The following NYAP2 variants were observed in gnomAD, a reference collection of about 807,000 sequenced individuals.
NYAP2 encodes the protein neuronal tyrosine-phosphorylated phosphoinositide-3-kinase adapter 2.
A neutral mutation model predicts 50.4 loss-of-function variants in NYAP2; 23 were observed. That is an observed-to-expected ratio of 0.46 (90% CI 0.33 to 0.65). The LOEUF is 0.65. NYAP2 is among the 30% of genes least tolerant of loss of function. NYAP2 has a pLI of 0.02. For synonymous variants in NYAP2, 394 were observed against 365.2 expected (o/e 1.08, Z -0.90); for missense variants, 885 against 861.0 (o/e 1.03, Z -0.35).
intron 4 of NYAP2, among the ~76,000 whole-genome samples, chr2:225,578,604 G>A (rs1243520117): frequency 6.6e-6 from 1 of 152,204 alleles, no homozygotes; most frequent in Non-Finnish European, 1.5e-5. Flanking sequence ...CTTGGCCCAT[G>A]TATGGGATAA....
rs1690636255 is a variant in NYAP2, at chr2:225,503,168, A to G, written c.222-10203A>G. Among the ~76,000 whole-genome samples the G allele has an allele frequency of 2.6e-5, 4 of 152,236 alleles. No homozygotes were observed. In the South Asian group the frequency reaches 8.3e-4, roughly 31 times the overall value. On this transcript the variant is annotated intron_variant, in intron 3 of 6. Transcript: ENST00000636099. ...TAAAAACTTGGCATGTTCTCAAACCATATTCAAAGCTTATGTCAGTTTTGA... is the reference window on the plus strand; with the variant it reads ...TAAAAACTTGGCATGTTCTCAAACCGTATTCAAAGCTTATGTCAGTTTTGA...
intron 3 of NYAP2, among the ~76,000 whole-genome samples, chr2:225,429,186 G>A (rs1475469024): frequency 1.3e-5 from 2 of 152,036 alleles, no homozygotes; most frequent in South Asian, 2.1e-4. Flanking sequence ...TGGGGGTGTC[G>A]AGGGGGGATT....
At chr2:225,499,913 G>A (rs1479141343) in intron 3 of NYAP2, among the ~76,000 whole-genome samples, 4 of 152,174 alleles carry the variant, frequency 2.6e-5, no homozygotes, top group Non-Finnish European at 4.4e-5. Context: ...AGATGAAGCA[G>A]GAGCTCACGA....
chr2:225,552,862 A>G (rs1259734388), intron 4 of NYAP2, among the ~76,000 whole-genome samples: 1 of 151,926 alleles, frequency 6.6e-6, no homozygotes, highest in Non-Finnish European at 1.5e-5. Flanking sequence ...TAATTTTTGT[A>G]TTTTCAGTAG....
intron 4 of NYAP2, among the ~76,000 whole-genome samples, chr2:225,518,635 A>T (rs778385357): frequency 1.1e-4 from 12 of 112,014 alleles, no homozygotes; most frequent in Admixed American, 1.9e-4. Context: ...TATATATATA[A>T]ATAAATTAGC....
chr2:225,507,869 C>A (rs917509327), intron 3 of NYAP2, among the ~76,000 whole-genome samples: 1 of 152,196 alleles, frequency 6.6e-6, no homozygotes, highest in East Asian at 1.9e-4. Context: ...AAGGAAATGG[C>A]CCCAGGGATT....
chr2:225,680,077 C>A, the NYAP2 span, among the ~76,000 whole-genome samples: 1 of 152,158 alleles, frequency 6.6e-6, no homozygotes, highest in Non-Finnish European at 1.5e-5. Flanking sequence ...CAGTTTCCCT[C>A]TTCACACTTT....
At chr2:225,476,747 A>G (rs1445986801) in intron 3 of NYAP2, among the ~76,000 whole-genome samples, 1 of 152,212 alleles carries the variant, frequency 6.6e-6, no homozygotes, top group Non-Finnish European at 1.5e-5. Flanking sequence ...GAAGAGATAC[A>G]TACATCATTA....
At chr2:225,546,574 C>T (rs1022806038) in intron 4 of NYAP2, among the ~76,000 whole-genome samples, 21 of 152,064 alleles carry the variant, frequency 1.4e-4, no homozygotes, top group African/African-American at 4.8e-4. Context: ...TTGGATTTAC[C>T]CTTCAGGGCA....
chr2:225,487,551 G>C (rs892073039), intron 3 of NYAP2, among the ~76,000 whole-genome samples: 1 of 151,882 alleles, frequency 6.6e-6, no homozygotes, highest in Non-Finnish European at 1.5e-5. Context: ...GTAGAGACAG[G>C]GTTTCACCGT....
At position 225,513,171 on chromosome 2, in the gene NYAP2, T is replaced by G. The variant is rs549123040; in HGVS notation, c.222-200T>G. ...AGATAAGTGTTCTATGCAGTATTTT[T>G]TCTTTCCTTTGGGGAAAACAAAATT... On this transcript the variant is annotated intron_variant, in intron 3 of 6. Transcript: ENST00000636099. Among the ~76,000 whole-genome samples the G allele has an allele frequency of 7.2e-5, 11 of 152,324 alleles. No individual in the cohort carries two copies. In the South Asian group the frequency reaches 2.3e-3, roughly 32 times the overall value.
chr2:225,587,441 C>T (rs1692407241), intron 5 of NYAP2, among the ~76,000 whole-genome samples: 1 of 151,940 alleles, frequency 6.6e-6, no homozygotes, highest in Non-Finnish European at 1.5e-5. Flanking sequence ...ACATGCACGC[C>T]CGGGGCAGAA....
intron 3 of NYAP2, among the ~76,000 whole-genome samples, chr2:225,426,134 CT>C (rs1204523026): frequency 2.8e-5 from 2 of 71,914 alleles, no homozygotes; most frequent in Non-Finnish European, 5.4e-5. Context: ...CTTTCTTTCT[CT>C]TTTCTTTTTT....
intron 3 of NYAP2, among the ~76,000 whole-genome samples, chr2:225,436,849 G>T (rs901876214): frequency 6.6e-6 from 1 of 151,610 alleles, no homozygotes; most frequent in Admixed American, 6.6e-5. Context: ...ACTGTCTCTG[G>T]CTTTGTCCTG....
chr2:225,537,129 C>T (rs1184859100), intron 4 of NYAP2, among the ~76,000 whole-genome samples: 1 of 152,052 alleles, frequency 6.6e-6, no homozygotes, highest in Admixed American at 6.6e-5. Flanking sequence ...TGCCCACTTT[C>T]CCCAACCCCC....
the NYAP2 span, among the ~76,000 whole-genome samples, chr2:225,674,380 T>C: frequency 2.0e-5 from 3 of 152,176 alleles, no homozygotes; most frequent in African/African-American, 7.2e-5. Context: ...CTCAGAAGAG[T>C]TTAACATCCC....
chr2:225,658,536 T>C (rs1693862711), downstream of NYAP2, among the ~76,000 whole-genome samples: 1 of 152,234 alleles, frequency 6.6e-6, no homozygotes. Context: ...CAAATAAGAA[T>C]GTCAGTGGCT....
chr2:225,651,638 G>C, exon 7 of NYAP2: 1 of 1,567,698 alleles, frequency 6.4e-7, no homozygotes, highest in Non-Finnish European at 8.7e-7. Context: ...TTTCGCATTT[G>C]CTTTTATTTT....
chr2:225,656,851 A>G (rs536728948), downstream of NYAP2, among the ~76,000 whole-genome samples: 5 of 152,212 alleles, frequency 3.3e-5, no homozygotes, highest in South Asian at 1.0e-3. Flanking sequence ...CTTACTCAAC[A>G]CCTCTCTCTA....
Sources: gnomAD v4.1 joint callset for allele counts (sites outside exome capture counted in the v4.1 genomes callset) on GRCh38, gnomAD v4.1.1 for gene constraint, MANE v1.5 for transcripts, NCBI Gene and HGNC (gene_info 2026-07-23, HGNC 2026-07-21) for gene names.